Variants in PCDHA8 observed in about 807,000 individuals in gnomAD.
The protein encoded by PCDHA8 is protocadherin alpha-8.
PCDHA8 carries 53 observed loss-of-function variants against 61.8 expected under a neutral mutation model. That is an observed-to-expected ratio of 0.86 (90% CI 0.69 to 1.08). The LOEUF (loss-of-function observed/expected upper bound fraction) is 1.08. Among genes scored for constraint, PCDHA8 ranks in the 50% least tolerant of loss-of-function variants. PCDHA8 has a pLI of 0.00. For missense variants in PCDHA8, 1,293 were observed against 1,245.0 expected (o/e 1.04, Z -0.58); for synonymous variants, 618 against 556.6 (o/e 1.11, Z -1.55).
intron 1 of PCDHA8, chr5:140,882,955 C>T: frequency 6.2e-7 from 1 of 1,614,178 alleles, no homozygotes; most frequent in East Asian, 2.2e-5. Context: ...TTCAGCTGCT[C>T]ATCACGATTC....
intron 1 of PCDHA8, chr5:140,855,925 C>A: frequency 1.6e-6 from 2 of 1,240,618 alleles, no homozygotes; most frequent in African/African-American, 1.5e-5. Flanking sequence ...TAGGAAGTAG[C>A]GTCATTCTGA....
At chr5:140,848,291 G>A (rs2150408103) in intron 1 of PCDHA8, 336,332 of 624,962 alleles carry the variant, frequency 0.54, 101,055 homozygotes, top group South Asian at 0.62. Context: ...TACACTTTGG[G>A]CCACGTGATG....
intron 1 of PCDHA8, chr5:140,868,473 C>T (rs1740794532): frequency 6.6e-6 from 1 of 152,126 alleles, no homozygotes; most frequent in Non-Finnish European, 1.5e-5. Flanking sequence ...TTTTATAAAA[C>T]TTCAATTTTT....
intron 3 of PCDHA8, among the ~76,000 whole-genome samples, chr5:140,983,182 C>T (rs782457174): frequency 6.6e-6 from 1 of 152,188 alleles, no homozygotes; most frequent in Non-Finnish European, 1.5e-5. Flanking sequence ...CTCACAATTT[C>T]TTAGTTTAGA....
At chr5:140,926,973 G>A in intron 1 of PCDHA8, 3 of 1,609,762 alleles carry the variant, frequency 1.9e-6, no homozygotes, top group African/African-American at 1.3e-5. Context: ...ACTCAGTGCC[G>A]GAGGAGACGG....
Position 140,842,156 on chromosome 5 carries a change from T to G in PCDHA8, c.835T>G (p.Tyr279Asp), listed in dbSNP as rs2150330678. 3.3e-5 allele frequency: 54 copies of G among 1,613,784 alleles called. 1 individual carries two copies. The South Asian group carries it at 5.9e-4, about 18-fold the overall frequency. ...TGAAGGAGCCAATGGGGCAATTTCA[T>G]ATTCTTTTAATAGCCTTGTTGAAAC... ...PDEGANGAIS[Y>D]SFNSLVETMV... Residue 279 changes from tyrosine to aspartate, a missense_variant, in exon 1 of 4, where the codon TAT becomes GAT. Tyr to Asp is a radical substitution (Grantham distance 160). Coordinates refer to ENST00000531613, the MANE Select transcript of PCDHA8 (RefSeq NM_018911.3).
At position 140,841,667 on chromosome 5, in the gene PCDHA8, G is replaced by A; in HGVS notation, c.346G>A (p.Val116Ile). The A allele has an allele frequency of 6.2e-7, 1 of 1,614,090 alleles. No individual in the cohort carries two copies. The highest frequency in any genetic ancestry group is 8.5e-7 in the Non-Finnish European group (1 of 1,179,958). The part of the protein sequence containing the change: ...LEVIVDRPLQ[V>I]FHVDVEVKDV... ...GGTGATCGTGGACAGGCCGCTGCAG[G>A]TTTTCCATGTGGACGTGGAGGTGAA... The change falls in exon 1 of 4, where the codon GTT (valine) becomes ATT (isoleucine). Residue 116 changes from valine (V) to isoleucine (I), a missense_variant. Physicochemically the swap from Val to Ile is conservative, Grantham distance 29. Coordinates refer to ENST00000531613, the MANE Select transcript of PCDHA8 (RefSeq NM_018911.3).
rs2150389319 is a variant in PCDHA8, at chr5:140,846,377, T to C, written c.2394+2662T>C. On this transcript the variant is annotated intron_variant, in intron 1 of 3. Transcript: ENST00000531613. The stretch of plus-strand genomic sequence containing the variant: ...TTTCTTTTCTTTTCTTTCTTTCTTT[T>C]TTTTTTTTTTTTTTTGAGACGGAGT... Among the ~76,000 whole-genome samples the C allele has an allele frequency of 1.3e-3, 177 of 134,738 alleles. 13 individuals carry two copies. The highest frequency in any genetic ancestry group is 3.8e-3 in the African/African-American group (141 of 37,120). The allele number at this position is 134,738 out of a possible 152,430, so 88.4% of individuals were successfully genotyped here.
intron 1 of PCDHA8, among the ~76,000 whole-genome samples, chr5:140,935,339 A>G (rs1048024159): frequency 1.3e-5 from 2 of 152,180 alleles, no homozygotes; most frequent in Admixed American, 6.5e-5. Context: ...TTTCTCCCAT[A>G]CGTCAAATCC....
intron 1 of PCDHA8, among the ~76,000 whole-genome samples, chr5:140,953,756 G>C (rs2094932328): frequency 6.6e-6 from 1 of 152,208 alleles, no homozygotes; most frequent in South Asian, 2.1e-4. Context: ...ATTTATCCAA[G>C]AATTAAATTT....
rs2150411326 is a variant in PCDHA8 at position 140,848,495 on chromosome 5, A to C, written c.2394+4780A>C. On this transcript the variant is annotated intron_variant, in intron 1 of 3. Transcript: ENST00000531613. ...AATTAGAAGAAGACTGAGTATTTGA[A>C]ATGTTATACTCAAGTCGAGGAGATC... is the stretch of plus-strand genomic sequence containing the variant. 86 of 1,576,710 alleles carry C rather than the reference A, an allele frequency of 5.5e-5. 9 individuals are homozygous for C. The highest frequency in any genetic ancestry group is 7.3e-5 in the Non-Finnish European group (84 of 1,155,398).
At chr5:140,997,510 C>T (rs536611731) in intron 3 of PCDHA8, among the ~76,000 whole-genome samples, 60 of 152,102 alleles carry the variant, frequency 3.9e-4, no homozygotes, top group Non-Finnish European at 6.9e-4. Context: ...CATACCTAAA[C>T]GCAGAAAAAG....
At position 140,967,211 on chromosome 5, in the gene PCDHA8, C is replaced by T. The variant is rs549238768; in HGVS notation, c.2395-11738C>T. On this transcript the variant is annotated intron_variant, in intron 1 of 3. Transcript: ENST00000531613. ...CATCAACGACAACTCACCGCGTTTC[C>T]CGCGGCCCAACTACCAGCTTCAGGT... 1.1e-5 allele frequency: 18 copies of T among 1,613,676 alleles called. No individual in the cohort carries two copies. The East Asian group carries it at 3.3e-4, about 30-fold the overall frequency.
At chr5:140,844,873 C>T (rs2150374535) in intron 1 of PCDHA8, among the ~76,000 whole-genome samples, 1 of 149,368 alleles carries the variant, frequency 6.7e-6, no homozygotes, top group African/African-American at 2.4e-5. Flanking sequence ...ATTAAATACC[C>T]ATTAGACTTC....
rs1342346203 is a variant in PCDHA8, at chr5:140,841,962, C to T, written c.641C>T (p.Ala214Val). 2 of 1,613,786 alleles carry T rather than the reference C, an allele frequency of 1.2e-6. No individual in the cohort carries two copies. The highest frequency in any genetic ancestry group is 1.7e-6 in the Non-Finnish European group (2 of 1,179,864). ...CCTGCGCACCACTTATTCCTGACAG[C>T]CACAGATGGGGGCAAACCTGAGCTC... The part of the protein sequence containing the change: ...DAPAHHLFLT[A>V]TDGGKPELTG... The change falls in exon 1 of 4, where the codon GCC (alanine) becomes GTC (valine). Residue 214 changes from alanine (A) to valine (V), a missense_variant. Ala to Val is a moderately conservative substitution (Grantham distance 64). Transcript: ENST00000531613.
chr5:140,869,363 A>G lies in PCDHA8; in HGVS notation c.2394+25648A>G, dbSNP rs1201912812. The G allele has an allele frequency of 9.3e-6, 15 of 1,614,010 alleles. No individual in the cohort carries two copies. In the Admixed American group the frequency reaches 2.5e-4, roughly 27 times the overall value. ...CTGCAGAATGGCATTTTGTTTGTGA[A>G]TTCTCGGATCGACCGCGAGGAGCTG... On this transcript the variant is annotated intron_variant, in intron 1 of 3. Coordinates refer to ENST00000531613, the MANE Select transcript of PCDHA8 (RefSeq NM_018911.3).
intron 1 of PCDHA8, among the ~76,000 whole-genome samples, chr5:140,893,817 C>G (rs951661016): frequency 6.6e-6 from 1 of 151,980 alleles, no homozygotes; most frequent in Admixed American, 6.6e-5. Flanking sequence ...AGTCTGGTAC[C>G]GTAGACTACT....
chr5:140,949,263 C>T (rs1210516513), intron 1 of PCDHA8, among the ~76,000 whole-genome samples: 3 of 151,832 alleles, frequency 2.0e-5, no homozygotes, highest in South Asian at 4.1e-4. Flanking sequence ...GAACATATCA[C>T]GTGCACTTGA....
intron 1 of PCDHA8, chr5:140,876,602 G>A (rs572945874): frequency 6.2e-7 from 1 of 1,614,180 alleles, no homozygotes; most frequent in Non-Finnish European, 8.5e-7. Flanking sequence ...GTGTCGGATC[G>A]TGACTCTGGA....
Sources: gnomAD v4.1 joint callset for allele counts (sites outside exome capture counted in the v4.1 genomes callset) on GRCh38, gnomAD v4.1.1 for gene constraint, MANE v1.5 for transcripts, NCBI Gene and HGNC (gene_info 2026-07-23, HGNC 2026-07-21) for gene names.